The following DEPTOR variants were observed in gnomAD, a reference collection of about 807,000 sequenced individuals.
DEPTOR encodes the protein DEP domain containing MTOR interacting protein.
Under a neutral mutation model 41.6 loss-of-function variants are expected in DEPTOR, and 41 were observed. That is an observed-to-expected ratio of 0.98 (90% confidence interval 0.77 to 1.28). The LOEUF (loss-of-function observed/expected upper bound fraction) is 1.28. Among genes scored for constraint, DEPTOR ranks in the 50% most tolerant of loss-of-function variants. DEPTOR has a pLI of 0.00. For missense variants in DEPTOR, 514 were observed against 527.9 expected (o/e 0.97, Z 0.26); for synonymous variants, 195 against 192.3 (o/e 1.01, Z -0.12).
At chr8:119,925,181 A>G (rs2139431) in intron 1 of DEPTOR, among the ~76,000 whole-genome samples, 42,811 of 152,022 alleles carry the variant, frequency 0.28, 6,460 homozygotes, top group Middle Eastern at 0.39. Context: ...CTGGAGGTCA[A>G]GAGTTTCAGA....
chr8:119,950,691 T>C (rs1295546614), intron 3 of DEPTOR, among the ~76,000 whole-genome samples: 1 of 152,068 alleles, frequency 6.6e-6, no homozygotes, highest in African/African-American at 2.4e-5. Flanking sequence ...CCGCCTCCCG[T>C]TCAAGCAATT....
At chr8:119,950,564 C>T (rs1234375206) in intron 3 of DEPTOR, among the ~76,000 whole-genome samples, 4 of 151,970 alleles carry the variant, frequency 2.6e-5, no homozygotes, top group Non-Finnish European at 5.9e-5. Flanking sequence ...TACAGGTGTG[C>T]ATCACCACAC....
intron 3 of DEPTOR, among the ~76,000 whole-genome samples, chr8:119,944,994 A>G (rs1187060581): frequency 6.6e-6 from 1 of 151,844 alleles, no homozygotes; most frequent in Non-Finnish European, 1.5e-5. Flanking sequence ...CTGCTTCTGT[A>G]TCACCTTGGG....
At chr8:119,973,635 T>G (rs1828660526) in intron 4 of DEPTOR, among the ~76,000 whole-genome samples, 1 of 152,234 alleles carries the variant, frequency 6.6e-6, no homozygotes, top group South Asian at 2.1e-4. Context: ...GGAAACCAGA[T>G]AATCATGTGG....
chr8:120,024,156 GA>G (rs1394801677), intron 8 of DEPTOR, among the ~76,000 whole-genome samples: 3 of 152,188 alleles, frequency 2.0e-5, no homozygotes, highest in African/African-American at 7.2e-5. Flanking sequence ...AGAATCGCTT[GA>G]CCCTGGGAGG....
chr8:120,005,951 TGA>T (rs1211960666), intron 6 of DEPTOR, among the ~76,000 whole-genome samples: 16 of 152,134 alleles, frequency 1.1e-4, no homozygotes, highest in Non-Finnish European at 2.1e-4. Flanking sequence ...GCACAGTAGC[TGA>T]GAGTGTGGGT....
chr8:119,997,169 G>A (rs1034406753), intron 4 of DEPTOR, among the ~76,000 whole-genome samples: 2 of 152,074 alleles, frequency 1.3e-5, no homozygotes, highest in Non-Finnish European at 1.5e-5. Flanking sequence ...GGTCTTGAAT[G>A]CCTGGCCTCA....
intron 4 of DEPTOR, among the ~76,000 whole-genome samples, chr8:119,995,391 G>T (rs1586650019): frequency 6.6e-6 from 1 of 152,066 alleles, no homozygotes; most frequent in Non-Finnish European, 1.5e-5. Context: ...TTCGAGACCA[G>T]CCTGGCCAAC....
At chr8:120,002,303 C>A (rs1462163837) in intron 5 of DEPTOR, among the ~76,000 whole-genome samples, 1 of 151,800 alleles carries the variant, frequency 6.6e-6, no homozygotes, top group Non-Finnish European at 1.5e-5. Flanking sequence ...CCATGCCTGG[C>A]TCATTTTTGT....
chr8:119,921,748 G>GTTTTTTTTTTTTTTTTTTTTT (rs1282897659), intron 1 of DEPTOR, among the ~76,000 whole-genome samples: 2 of 131,190 alleles, frequency 1.5e-5, no homozygotes, highest in African/African-American at 6.0e-5. Context: ...CTATTCTGTA[G>GTTTTTTTTTTTTTTTTTTTTT]TTTTTTTTTT....
At chr8:120,031,508 A>T (rs928408627) in intron 8 of DEPTOR, among the ~76,000 whole-genome samples, 1 of 152,054 alleles carries the variant, frequency 6.6e-6, no homozygotes, top group African/African-American at 2.4e-5. Context: ...GCATTTACTT[A>T]TGTGCTCCAT....
intron 1 of DEPTOR, among the ~76,000 whole-genome samples, chr8:119,910,338 A>G (rs1213802161): frequency 6.6e-6 from 1 of 152,272 alleles, no homozygotes; most frequent in African/African-American, 2.4e-5. Flanking sequence ...GAGGGTGGTC[A>G]GATATGTGAA....
chr8:119,965,531 T>G (rs1280513048), intron 4 of DEPTOR, 121 bp downstream of exon 4: 10 of 1,252,960 alleles, frequency 8.0e-6, no homozygotes, highest in Non-Finnish European at 1.1e-5. Flanking sequence ...CCTCTGCTTA[T>G]GTTCAGCTTG....
intron 1 of DEPTOR, among the ~76,000 whole-genome samples, chr8:119,886,783 A>G (rs1827370090): frequency 6.6e-6 from 1 of 152,112 alleles, no homozygotes; most frequent in African/African-American, 2.4e-5. Context: ...TGTGATAGTA[A>G]TCCTTAAATT....
chr8:119,972,509 G>A (rs2129992169), intron 4 of DEPTOR, among the ~76,000 whole-genome samples: 1 of 152,090 alleles, frequency 6.6e-6, no homozygotes, highest in Non-Finnish European at 1.5e-5. Flanking sequence ...GGTAGTCCCA[G>A]CTACTTGGGA....
In DEPTOR at chr8:119,876,749, G is replaced by A. The variant is rs566809778; in HGVS notation, c.122+2781G>A. On this transcript the variant is annotated intron_variant, in intron 1 of 8. Coordinates refer to ENST00000286234, the MANE Select transcript of DEPTOR (RefSeq NM_022783.4). The stretch of plus-strand genomic sequence containing the variant: ...GTAGTTTCTGATAGATATGTAGTAA[G>A]CACCAGGTCAACATTAGCTAAGGTA... Among the ~76,000 whole-genome samples, 8 of 152,178 alleles carry A rather than the reference G, an allele frequency of 5.3e-5. 1 individual carries two copies. The South Asian group carries it at 8.3e-4, about 16-fold the overall frequency.
At chr8:119,978,181 A>G (rs945034760) in intron 4 of DEPTOR, among the ~76,000 whole-genome samples, 2 of 152,132 alleles carry the variant, frequency 1.3e-5, no homozygotes, top group Non-Finnish European at 2.9e-5. Flanking sequence ...GATCTTTTAC[A>G]ACAGCACACA....
chr8:119,985,078 C>G (rs1345619109), intron 4 of DEPTOR, among the ~76,000 whole-genome samples: 1 of 152,124 alleles, frequency 6.6e-6, no homozygotes, highest in African/African-American at 2.4e-5. Context: ...GAGGCTGAGG[C>G]AGGAGAATCA....
rs552248552 is a variant in DEPTOR at position 119,940,015 on chromosome 8, C to T, written c.425+10077C>T. Among the ~76,000 whole-genome samples the T allele has an allele frequency of 3.7e-4, 56 of 151,004 alleles. No individual in the cohort carries two copies. In the South Asian group the frequency reaches 0.012, roughly 31 times the overall value. ...GGCAGATCACCTGAGGTTGGGAGTT[C>T]GAGACCAGCCTGACCAACATGGAGA... On this transcript the variant is annotated intron_variant, in intron 3 of 8. Coordinates refer to ENST00000286234, the MANE Select transcript of DEPTOR (RefSeq NM_022783.4).
Sources: gnomAD v4.1 joint callset for allele counts (sites outside exome capture counted in the v4.1 genomes callset) on GRCh38, gnomAD v4.1.1 for gene constraint, MANE v1.5 for transcripts, NCBI Gene and HGNC (gene_info 2026-07-23, HGNC 2026-07-21) for gene names.